DBT: variants seen among roughly 807,000 people sequenced by gnomAD.
DBT encodes dihydrolipoamide branched chain transacylase E2.
In DBT, 40 loss-of-function variants were observed where a neutral mutation model predicts 51.3. The observed-to-expected ratio is 0.78, with a 90% CI of 0.61 to 1.02. DBT has a LOEUF of 1.02. Among genes scored for constraint, DBT ranks in the 50% least tolerant of loss-of-function variants. The pLI is 0.00. For synonymous variants in DBT, 181 were observed against 190.4 expected (o/e 0.95, Z 0.41); for missense variants, 510 against 580.2 (o/e 0.88, Z 1.24).
At chr1:100,211,035 C>A (rs766545142) in intron 7 of DBT, 1 of 768,472 alleles carries the variant, frequency 1.3e-6, no homozygotes, top group Non-Finnish European at 2.4e-6. Flanking sequence ...AATAATGATA[C>A]AGACCAGCCA....
At chr1:100,242,349 A>G (rs1352685664) in intron 1 of DBT, among the ~76,000 whole-genome samples, 1 of 152,128 alleles carries the variant, frequency 6.6e-6, no homozygotes, top group Non-Finnish European at 1.5e-5. Flanking sequence ...AGCAAATATA[A>G]AAGTAAAAGT....
chr1:100,240,520 C>T (rs562148096), intron 2 of DBT, among the ~76,000 whole-genome samples: 1 of 152,040 alleles, frequency 6.6e-6, no homozygotes, highest in African/African-American at 2.4e-5. Context: ...TGAGTGAGAT[C>T]CTGTCTCTAA....
At chr1:100,240,906 G>C (rs748338880) in intron 1 of DBT, 22 bp from the exon 2 acceptor site, 1 of 1,610,536 alleles carries the variant, frequency 6.2e-7, no homozygotes, top group South Asian at 1.1e-5. Flanking sequence ...AAAACAAAAA[G>C]TAAAAGCATT....
rs1660929330 is a variant in DBT at position 100,193,850 on chromosome 1, C to T, written c.*2405G>A. 6.6e-6 allele frequency: 1 copy of T among 152,200 alleles called. No individual in the cohort carries two copies. The highest frequency in any genetic ancestry group is 2.4e-5 in the African/African-American group (1 of 41,444). 9.4% of individuals were successfully genotyped at this position (152,200 alleles called of 1,614,324 possible). ...ACTCCTGACCTTGTGATCTACCTGC[C>T]TTGGCCTCCCAAAGTGGTAGGATTA... is the stretch of plus-strand genomic sequence containing the variant. On this transcript the variant is annotated 3_prime_UTR_variant, in exon 11 of 11. Transcript: ENST00000370132.
intron 4 of DBT, among the ~76,000 whole-genome samples, chr1:100,221,904 C>A (rs4443907): frequency 0.79 from 120,400 of 151,600 alleles, 49,170 homozygotes; most frequent in East Asian, 0.95. Context: ...TAAGTAATCC[C>A]CTTAATTCAC....
chr1:100,235,407 A>C, intron 3 of DBT, 29 bp downstream of exon 3: 2 of 1,087,550 alleles, frequency 1.8e-6, no homozygotes, highest in Non-Finnish European at 2.8e-6. Context: ...TTTTAAATTT[A>C]CTTAAGAGCT....
At chr1:100,233,114 C>T (rs1435868757) in intron 3 of DBT, among the ~76,000 whole-genome samples, 1 of 151,990 alleles carries the variant, frequency 6.6e-6, no homozygotes, top group Non-Finnish European at 1.5e-5. Flanking sequence ...AGATATGTCA[C>T]ACAAGGCCAG....
At chr1:100,211,277 T>G (rs1662121016) in intron 7 of DBT, among the ~76,000 whole-genome samples, 1 of 152,226 alleles carries the variant, frequency 6.6e-6, no homozygotes, top group East Asian at 1.9e-4. Context: ...GAACATTTAC[T>G]TTACAGCTCA....
At chr1:100,221,294 A>G (rs1409264428) in intron 4 of DBT, among the ~76,000 whole-genome samples, 1 of 152,184 alleles carries the variant, frequency 6.6e-6, no homozygotes, top group African/African-American at 2.4e-5. Context: ...AAGTAATAAA[A>G]TACCACCTTA....
chr1:100,205,430 C>T (rs566640209), intron 10 of DBT, among the ~76,000 whole-genome samples: 7 of 152,114 alleles, frequency 4.6e-5, no homozygotes, highest in Non-Finnish European at 4.4e-5. Context: ...CAATGGCAAT[C>T]ATTAAAAAGG....
Position 100,194,158 on chromosome 1 carries a change from TG to T in DBT, c.*2096del, listed in dbSNP as rs1169766326. 6.6e-6 allele frequency: 1 copy of T among 152,112 alleles called. No homozygotes were observed. Among genetic ancestry groups the T allele is most frequent in the Non-Finnish European group, 1.5e-5 (1 of 68,008 alleles). 9.4% of individuals were successfully genotyped at this position (152,112 alleles called of 1,614,324 possible). A position where few individuals can be genotyped will look rare whatever the true frequency, so the allele number is the denominator to read the frequency against. ...TTACAACAACAGCATTTATTTGACC[TG>T]TTTTTTTTATTTTATTTTATTTTTT... On this transcript the variant is annotated 3_prime_UTR_variant, in exon 11 of 11. Coordinates refer to ENST00000370132, the MANE Select transcript of DBT (RefSeq NM_001918.5).
chr1:100,195,303 C>A lies in DBT; in HGVS notation c.*952G>T, dbSNP rs190956862. ...CCAAGAAAATACCAAAGCATTACCA[C>A]AAATCTAAAACTATATCCATTTTAA... is the stretch of plus-strand genomic sequence containing the variant. On this transcript the variant is annotated 3_prime_UTR_variant, in exon 11 of 11. Transcript: ENST00000370132. The A allele has an allele frequency of 2.6e-5, 4 of 152,730 alleles. No individual in the cohort carries two copies. Among genetic ancestry groups the A allele is most frequent in the Non-Finnish European group, 4.4e-5 (3 of 68,026 alleles). 9.5% of individuals were successfully genotyped at this position (152,730 alleles called of 1,614,324 possible). A position where few individuals can be genotyped will look rare whatever the true frequency, so the allele number is the denominator to read the frequency against.
At chr1:100,227,940 TG>T (rs1038821689) in intron 4 of DBT, among the ~76,000 whole-genome samples, 3 of 152,088 alleles carry the variant, frequency 2.0e-5, no homozygotes, top group African/African-American at 7.2e-5. Context: ...CCTCTGCCTC[TG>T]GGGTTCAAGC....
In DBT at chr1:100,206,505, C is replaced by T. The variant is rs1469707365; in HGVS notation, c.1149G>A (p.Val383=). 6.2e-7 allele frequency: 1 copy of T among 1,613,676 alleles called. No individual in the cohort carries two copies. The highest frequency in any genetic ancestry group is 1.3e-5 in the African/African-American group (1 of 74,894). ...ELNRLQKLGS[V]SQLSTTDLTG... The stretch of plus-strand genomic sequence containing the variant: ...TAAGATCAGTGGTGCTGAGCTGACT[C>T]ACAGAGCCCAATTTCTGGAGGCGGT... The change falls in exon 9 of 11, where the codon GTG becomes GTA. Residue 383 remains valine, a synonymous_variant. Transcript: ENST00000370132.
chr1:100,207,848 T>A (rs554314708), intron 8 of DBT, among the ~76,000 whole-genome samples: 1 of 151,608 alleles, frequency 6.6e-6, no homozygotes, highest in African/African-American at 2.4e-5. Flanking sequence ...AAAAAAACTT[T>A]GTGGCCGGGC....
intron 2 of DBT, among the ~76,000 whole-genome samples, chr1:100,235,742 C>A (rs1402289327): frequency 6.6e-6 from 1 of 152,150 alleles, no homozygotes. Flanking sequence ...ACAGAACTTA[C>A]ATTTTCTAAC....
chr1:100,247,168 CATA>C (rs537602460), intron 1 of DBT, among the ~76,000 whole-genome samples: 11 of 152,268 alleles, frequency 7.2e-5, no homozygotes, highest in Middle Eastern at 3.4e-3. Flanking sequence ...TAAATTGCCT[CATA>C]GTCATTTGAA....
intron 1 of DBT, among the ~76,000 whole-genome samples, chr1:100,245,535 T>C (rs994168368): frequency 2.0e-5 from 3 of 152,242 alleles, no homozygotes; most frequent in African/African-American, 7.2e-5. Flanking sequence ...AATTCACCTC[T>C]AGTGATTCAA....
intron 4 of DBT, among the ~76,000 whole-genome samples, chr1:100,221,215 T>C (rs531171603): frequency 2.6e-5 from 4 of 152,344 alleles, no homozygotes; most frequent in Middle Eastern, 3.4e-3. Flanking sequence ...ACAAACTTAC[T>C]TGTGAGAAGT....
Sources: allele counts gnomAD v4.1 joint callset (sites outside exome capture counted in the v4.1 genomes callset), GRCh38; gene constraint gnomAD v4.1.1; transcripts MANE v1.5; gene names NCBI Gene and HGNC (gene_info 2026-07-23, HGNC 2026-07-21).